SCML4: variants seen among roughly 807,000 people sequenced by gnomAD.
SCML4 encodes sex comb on midleg-like protein 4.
Under a neutral mutation model 41.1 loss-of-function variants are expected in SCML4, and 34 were observed. The ratio of observed to expected loss-of-function variants is 0.83; its 90% CI spans 0.63 to 1.10. The LOEUF (loss-of-function observed/expected upper bound fraction) is 1.10. Among genes scored for constraint, SCML4 ranks in the 50% least tolerant of loss-of-function variants. The pLI, the probability that SCML4 is intolerant of heterozygous loss-of-function variation, is 0.00. For missense variants in SCML4, 522 were observed against 534.1 expected (o/e 0.98, Z 0.22); for synonymous variants, 214 against 220.9 (o/e 0.97, Z 0.28).
chr6:107,828,802 C>T (rs1415615739), upstream of SCML4, among the ~76,000 whole-genome samples: 1 of 152,098 alleles, frequency 6.6e-6, no homozygotes, highest in Non-Finnish European at 1.5e-5. Context: ...CTCTTGACTC[C>T]CCAGTCTGTC....
the SCML4 span, among the ~76,000 whole-genome samples, chr6:107,837,337 G>A: frequency 6.6e-6 from 1 of 152,236 alleles, no homozygotes; most frequent in Admixed American, 6.5e-5. Context: ...AAGGGTGCAT[G>A]TCTTGGTGTG....
intron 1 of SCML4, among the ~76,000 whole-genome samples, chr6:107,796,381 T>G (rs1042289418): frequency 2.0e-5 from 3 of 152,212 alleles, no homozygotes; most frequent in Non-Finnish European, 2.9e-5. Flanking sequence ...AATTTGCAAT[T>G]CCTGTATTAT....
chr6:107,782,606 C>T (rs144113404), intron 1 of SCML4, among the ~76,000 whole-genome samples: 68 of 152,366 alleles, frequency 4.5e-4, no homozygotes, highest in African/African-American at 1.6e-3. Flanking sequence ...GTTCCTGTGA[C>T]TGTCAGCTGC....
chr6:107,815,337 C>T (rs1448029272), intron 1 of SCML4, among the ~76,000 whole-genome samples: 6 of 152,202 alleles, frequency 3.9e-5, no homozygotes, highest in Non-Finnish European at 7.3e-5. Context: ...ACAATGAAAG[C>T]ATTGTCTTGC....
chr6:107,781,334 A>G (rs1016656045), intron 1 of SCML4, among the ~76,000 whole-genome samples: 1 of 152,208 alleles, frequency 6.6e-6, no homozygotes, highest in African/African-American at 2.4e-5. Flanking sequence ...CAGTCGTCCC[A>G]CATGATAAGC....
intron 5 of SCML4, among the ~76,000 whole-genome samples, chr6:107,729,446 T>G (rs1028298984): frequency 1.3e-5 from 2 of 152,252 alleles, no homozygotes; most frequent in Non-Finnish European, 2.9e-5. Context: ...ATTAGAGCCC[T>G]AATTCAGTAT....
At chr6:107,826,541 G>A (rs373591906), upstream of SCML4, among the ~76,000 whole-genome samples, 1 of 152,112 alleles carries the variant, frequency 6.6e-6, no homozygotes, top group Non-Finnish European at 1.5e-5. Context: ...TAATCTCCAA[G>A]TCCTGTAAAA....
intron 2 of SCML4, among the ~76,000 whole-genome samples, chr6:107,757,963 T>C (rs369610948): frequency 2.1e-4 from 32 of 152,294 alleles, no homozygotes; most frequent in African/African-American, 7.7e-4. Context: ...CTGTGAAACA[T>C]GCTTCCAATC....
the SCML4 span, among the ~76,000 whole-genome samples, chr6:107,839,248 C>T: frequency 2.0e-5 from 3 of 150,732 alleles, no homozygotes; most frequent in South Asian, 4.2e-4. Flanking sequence ...GAGCCATGAT[C>T]GTACCACTGC....
intron 1 of SCML4, among the ~76,000 whole-genome samples, chr6:107,791,057 A>G (rs2114613687): frequency 7.0e-6 from 1 of 141,892 alleles, no homozygotes; most frequent in Middle Eastern, 3.4e-3. Context: ...TCAGCAGAGC[A>G]AGACTCCGTC....
chr6:107,718,011 T>C (rs1775003648), intron 6 of SCML4, among the ~76,000 whole-genome samples: 1 of 152,098 alleles, frequency 6.6e-6, no homozygotes, highest in Non-Finnish European at 1.5e-5. Context: ...TCTCCTGGGG[T>C]GCAACCAGGC....
At chr6:107,782,114 G>T (rs1446589127) in intron 1 of SCML4, among the ~76,000 whole-genome samples, 1 of 152,234 alleles carries the variant, frequency 6.6e-6, no homozygotes, top group Admixed American at 6.5e-5. Context: ...TAAGAACAGA[G>T]AATATGCACA....
chr6:107,791,609 T>C (rs1454025895), intron 1 of SCML4, among the ~76,000 whole-genome samples: 1 of 152,224 alleles, frequency 6.6e-6, no homozygotes, highest in Non-Finnish European at 1.5e-5. Flanking sequence ...ATGTGGTAAT[T>C]ACTGATATTG....
At chr6:107,815,956 C>G (rs906892235) in intron 1 of SCML4, among the ~76,000 whole-genome samples, 4 of 152,202 alleles carry the variant, frequency 2.6e-5, no homozygotes, top group Admixed American at 2.6e-4. Flanking sequence ...CTTTCTGGAA[C>G]CTGCCGGACC....
intron 1 of SCML4, among the ~76,000 whole-genome samples, chr6:107,799,572 C>A (rs1053545540): frequency 2.6e-5 from 4 of 152,144 alleles, no homozygotes; most frequent in Admixed American, 2.0e-4. Flanking sequence ...TATTGATAGA[C>A]AATAGACTTG....
At chr6:107,773,304 C>T (rs544643134) in intron 1 of SCML4, among the ~76,000 whole-genome samples, 2 of 152,094 alleles carry the variant, frequency 1.3e-5, no homozygotes, top group African/African-American at 4.8e-5. Context: ...ATAATAAGGC[C>T]GGGCACACCA....
intron 2 of SCML4, among the ~76,000 whole-genome samples, chr6:107,751,645 TC>T (rs1468691200): frequency 1.4e-5 from 2 of 139,174 alleles, no homozygotes; most frequent in East Asian, 2.0e-4. Flanking sequence ...TTTCTTTCTT[TC>T]TTTTTTGAGA....
intron 2 of SCML4, chr6:107,755,532 G>T (rs777687057): frequency 5.6e-6 from 6 of 1,076,306 alleles, no homozygotes; most frequent in African/African-American, 5.1e-5. Context: ...TAGAAGCTTT[G>T]CTCTAGTGTG....
chr6:107,720,097 G>A (rs1386859261), intron 6 of SCML4: 2 of 985,258 alleles, frequency 2.0e-6, no homozygotes, highest in Non-Finnish European at 2.4e-6. Context: ...TATCCTGAAG[G>A]TGACACTTCC....
Sources: allele counts gnomAD v4.1 joint callset (sites outside exome capture counted in the v4.1 genomes callset), GRCh38; gene constraint gnomAD v4.1.1; transcripts MANE v1.5; gene names NCBI Gene and HGNC (gene_info 2026-07-23, HGNC 2026-07-21).